The following F9 variants were observed in gnomAD, a reference collection of about 807,000 sequenced individuals.
F9 encodes Christmas factor.
In F9, 2 loss-of-function variants were observed where a neutral mutation model predicts 34.1. That is an observed-to-expected ratio of 0.06 (90% CI 0.02 to 0.18). The LOEUF is 0.18. Among genes scored for constraint, F9 ranks in the 10% least tolerant of loss-of-function variants. The pLI is 1.00. For missense variants in F9, 216 were observed against 345.1 expected, an observed-to-expected ratio of 0.63 and a Z score of 2.96; for synonymous variants, 137 against 118.8, an observed-to-expected ratio of 1.15 and a Z score of -1.00.
intron 5 of F9, among the ~76,000 whole-genome samples, chrX:139,550,217 T>C (rs986263484): frequency 4.4e-5 from 5 of 112,484 alleles, no homozygotes; most frequent in African/African-American, 1.3e-4. Flanking sequence ...CTGTAGCCAT[T>C]GTTGATTGTG....
intron 2 of F9, 51 bp from the exon 3 acceptor site, chrX:139,537,311 C>A (rs1485409208): frequency 1.8e-6 from 2 of 1,135,289 alleles, no homozygotes; most frequent in South Asian, 1.9e-5. Context: ...GAAATCAATA[C>A]CAAAACACTT....
Position 139,530,790 on chromosome X carries a change from C to G in F9, c.26C>G (p.Ala9Gly), listed in dbSNP as rs781184105. MQRVNMIM[A>G]ESPGLITICL... ...ATGCAGCGCGTGAACATGATCATGGCAGAATCACCAGGCCTCATCACCATC... is the reference window on the plus strand; with the variant it reads ...ATGCAGCGCGTGAACATGATCATGGGAGAATCACCAGGCCTCATCACCATC... The change falls in exon 1 of 8, where the codon GCA (alanine) becomes GGA (glycine). Residue 9 changes from alanine (A) to glycine (G), a missense_variant. This residue lies in a region of F9 where 39 missense variants were observed against 33.3 expected (regional missense o/e 1.17). Transcript: ENST00000218099. The G allele has an allele frequency of 8.3e-7, 1 of 1,210,691 alleles. No homozygotes were observed. Among genetic ancestry groups the G allele is most frequent in the East Asian group, 3.0e-5 (1 of 33,833 alleles).
At chrX:139,533,282 T>C (rs1162597925) in intron 1 of F9, among the ~76,000 whole-genome samples, 3 of 112,331 alleles carry the variant, frequency 2.7e-5, no homozygotes, top group Non-Finnish European at 3.8e-5. Flanking sequence ...TTAGTCTGAC[T>C]GCCAGAGTCT....
intron 7 of F9, 46 bp from the exon 8 acceptor site, chrX:139,561,478 A>T: frequency 9.1e-7 from 1 of 1,103,604 alleles, no homozygotes; most frequent in Non-Finnish European, 1.2e-6. Flanking sequence ...AAATCTGTGT[A>T]TGTGAAATAC....
intron 4 of F9, among the ~76,000 whole-genome samples, 159 bp downstream of exon 4, chrX:139,541,348 T>C (rs920257195): frequency 3.6e-5 from 4 of 111,735 alleles, no homozygotes; most frequent in Non-Finnish European, 5.6e-5. Context: ...GGATATGAGT[T>C]CAAGAAGCTA....
In F9 at chrX:139,549,818, G is replaced by A. The variant is rs1927801104; in HGVS notation, c.521-1244G>A. On this transcript the variant is annotated intron_variant, in intron 5 of 7. Transcript: ENST00000218099. ...TTGGGGCCAGTTTATGGCCAGATTT[G>A]GAGGCCTGTTCCCAACAAACCAGAA... Among the ~76,000 whole-genome samples, 4 of 111,880 alleles carry A rather than the reference G, an allele frequency of 3.6e-5. No homozygotes were observed. The South Asian group carries it at 1.5e-3, about 42-fold the overall frequency.
intron 4 of F9, chrX:139,547,582 T>C (rs946104295): frequency 2.7e-5 from 3 of 111,358 alleles, no homozygotes; most frequent in African/African-American, 9.8e-5. Context: ...CACTCATAAT[T>C]ATAAGCCAGT....
At chrX:139,549,120 A>G (rs1344011238) in intron 5 of F9, among the ~76,000 whole-genome samples, 1 of 111,865 alleles carries the variant, frequency 8.9e-6, no homozygotes, top group Non-Finnish European at 1.9e-5. Flanking sequence ...CCATGTTCGT[A>G]TGGCTGTTAT....
At chrX:139,553,061 CAA>C (rs1927881890) in intron 6 of F9, among the ~76,000 whole-genome samples, 1 of 111,969 alleles carries the variant, frequency 8.9e-6, no homozygotes, top group Non-Finnish European at 1.9e-5. Context: ...AGAATGGTAT[CAA>C]AGAGTGGCAG....
intron 4 of F9, among the ~76,000 whole-genome samples, chrX:139,545,711 A>C (rs531309669): frequency 2.7e-5 from 3 of 111,330 alleles, no homozygotes; most frequent in African/African-American, 9.8e-5. Context: ...TCAAAAGACA[A>C]GAGATTTTTT....
chrX:139,557,940 C>T lies in F9; in HGVS notation c.724-2801C>T, dbSNP rs181857517. Among the ~76,000 whole-genome samples, 33 of 112,379 alleles carry T rather than the reference C, an allele frequency of 2.9e-4. No individual in the cohort carries two copies. In the East Asian group the frequency reaches 8.2e-3, roughly 28 times the overall value. On this transcript the variant is annotated intron_variant, in intron 6 of 7. Coordinates refer to ENST00000218099, the MANE Select transcript of F9 (RefSeq NM_000133.4). Reference sequence around the variant, plus strand: ...CCCCATTTCACTTCTCACCACCTTCCGGGGTGGTTTCTCGACCTCCCACTC... The same window carrying T: ...CCCCATTTCACTTCTCACCACCTTCTGGGGTGGTTTCTCGACCTCCCACTC...
chrX:139,540,186 A>G (rs1475027743), intron 3 of F9, among the ~76,000 whole-genome samples: 1 of 111,127 alleles, frequency 9.0e-6, no homozygotes, highest in African/African-American at 3.3e-5. Flanking sequence ...GCTCCTTTAG[A>G]AGTGTGGATT....
At chrX:139,530,964 A>T (rs1927333323) in intron 1 of F9, 112 bp downstream of exon 1, 1 of 647,703 alleles carries the variant, frequency 1.5e-6, no homozygotes, top group African/African-American at 2.1e-5. Flanking sequence ...GCAATATTGA[A>T]GAGTCTAACA....
intron 1 of F9, among the ~76,000 whole-genome samples, chrX:139,536,408 T>TA (rs1251211918): frequency 8.2e-5 from 9 of 109,481 alleles, no homozygotes; most frequent in Non-Finnish European, 1.5e-4. Context: ...AGATGTAGCT[T>TA]AAAAAAAACA....
At position 139,548,419 on chromosome X, in the gene F9, G is replaced by GA; in HGVS notation, c.449dup (p.Asp150GlufsTer2). The stretch of plus-strand genomic sequence containing the variant: ...CGAGCAGTTTTGTAAAAATAGTGCT[G>GA]ATAACAAGGTGGTTTGCTCCTGTAC... On this transcript the variant is annotated frameshift_variant, in exon 5 of 8. Coordinates refer to ENST00000218099, the MANE Select transcript of F9 (RefSeq NM_000133.4). LOFTEE classifies it high-confidence loss of function. The GA allele has an allele frequency of 8.3e-7, 1 of 1,210,543 alleles. No individual in the cohort carries two copies. Among genetic ancestry groups the GA allele is most frequent in the Non-Finnish European group, 1.1e-6 (1 of 894,434 alleles).
intron 5 of F9, among the ~76,000 whole-genome samples, chrX:139,550,814 C>T (rs1927822598): frequency 8.9e-6 from 1 of 111,816 alleles, no homozygotes. Flanking sequence ...AACACCTATT[C>T]TATTTCCGTA....
At chrX:139,557,875 A>C (rs3134812) in intron 6 of F9, among the ~76,000 whole-genome samples, 1,380 of 112,464 alleles carry the variant, frequency 0.012, 20 homozygotes, top group African/African-American at 0.041. Context: ...CTGATGAGAC[A>C]GCCAGAGCAT....
At chrX:139,553,863 G>A (rs962675628) in intron 6 of F9, among the ~76,000 whole-genome samples, 18 of 94,121 alleles carry the variant, frequency 1.9e-4, no homozygotes, top group African/African-American at 5.6e-4. Context: ...AAAAAAAAAG[G>A]ATGTCTGCTT....
intron 6 of F9, among the ~76,000 whole-genome samples, chrX:139,558,248 C>A (rs1357747357): frequency 8.8e-6 from 1 of 113,734 alleles, no homozygotes; most frequent in Non-Finnish European, 1.9e-5. Flanking sequence ...TGGGGGCACA[C>A]CCCTTGTCCA....
Sources: allele counts gnomAD v4.1 joint callset (sites outside exome capture counted in the v4.1 genomes callset), GRCh38; gene constraint gnomAD v4.1.1; regional missense constraint gnomAD v4.1.1; transcripts MANE v1.5; gene names NCBI Gene and HGNC (gene_info 2026-07-23, HGNC 2026-07-21).